The following ABI1 variants were observed in gnomAD, a reference collection of about 807,000 sequenced individuals.
ABI1 encodes the protein Abelson interactor 1.
ABI1 carries 14 observed loss-of-function variants against 54.6 expected under a neutral mutation model. The ratio of observed to expected loss-of-function variants is 0.26; its 90% confidence interval spans 0.17 to 0.40. The LOEUF is 0.40. ABI1 is among the 10% of genes least tolerant of loss of function. The pLI, the probability that ABI1 is intolerant of heterozygous loss-of-function variation, is 1.00. For synonymous variants in ABI1, 194 were observed against 209.3 expected (o/e 0.93, Z 0.63); for missense variants, 443 against 598.3 (o/e 0.74, Z 2.71).
chr10:26,783,795 A>G (rs1340046880), intron 2 of ABI1, among the ~76,000 whole-genome samples: 2 of 152,198 alleles, frequency 1.3e-5, no homozygotes, highest in African/African-American at 4.8e-5. Flanking sequence ...TTAAATAATA[A>G]TGACCACTTA....
intron 2 of ABI1, among the ~76,000 whole-genome samples, chr10:26,812,392 C>T (rs1265941273): frequency 6.6e-6 from 1 of 152,146 alleles, no homozygotes; most frequent in African/African-American, 2.4e-5. Context: ...CTAATGAATG[C>T]TCCTTAGCCA....
intron 1 of ABI1, among the ~76,000 whole-genome samples, chr10:26,832,116 C>T (rs1355162897): frequency 6.6e-6 from 1 of 152,152 alleles, no homozygotes; most frequent in Non-Finnish European, 1.5e-5. Flanking sequence ...CACATAAGCA[C>T]AAACAATGAC....
chr10:26,847,346 G>A (rs1264252432), intron 1 of ABI1, among the ~76,000 whole-genome samples: 1 of 152,180 alleles, frequency 6.6e-6, no homozygotes, highest in Non-Finnish European at 1.5e-5. Context: ...TGAGGACCAG[G>A]CATGGTGGCT....
chr10:26,838,459 C>G (rs1256866446), intron 1 of ABI1, among the ~76,000 whole-genome samples: 1 of 152,158 alleles, frequency 6.6e-6, no homozygotes, highest in Non-Finnish European at 1.5e-5. Flanking sequence ...TGAACAGTAT[C>G]TGTTTAAAGG....
intron 1 of ABI1, among the ~76,000 whole-genome samples, chr10:26,837,879 T>C (rs957677658): frequency 2.6e-5 from 4 of 151,122 alleles, no homozygotes; most frequent in African/African-American, 9.8e-5. Context: ...CCTCCCAAAG[T>C]GCTGAGATTA....
chr10:26,841,379 A>G (rs148351450), intron 1 of ABI1, among the ~76,000 whole-genome samples: 1 of 149,918 alleles, frequency 6.7e-6, no homozygotes, highest in East Asian at 2.0e-4. Context: ...ATTAACATAT[A>G]TATCAACCCA....
At chr10:26,789,413 T>C (rs929119459) in intron 2 of ABI1, among the ~76,000 whole-genome samples, 2 of 152,156 alleles carry the variant, frequency 1.3e-5, no homozygotes, top group South Asian at 2.1e-4. Flanking sequence ...TTGAATTACA[T>C]ATGTTTTATA....
chr10:26,848,472 T>C (rs1015226707), intron 1 of ABI1, among the ~76,000 whole-genome samples: 5 of 152,128 alleles, frequency 3.3e-5, no homozygotes, highest in African/African-American at 1.2e-4. Flanking sequence ...AATTTGAAGA[T>C]AACAGATTTA....
rs149287800 is a variant in ABI1 at position 26,856,216 on chromosome 10, C to T, written c.117+4531G>A. On this transcript the variant is annotated intron_variant, in intron 1 of 10. Transcript: ENST00000376140. The stretch of plus-strand genomic sequence containing the variant: ...CAGGAGAATTGCTTGGAGGTTGCAG[C>T]GAGCTGAGATCATGCCACTGCACTC... 7.8e-3 allele frequency among the ~76,000 whole-genome samples: 1,069 copies of T among 137,760 alleles called. 13 individuals carry two copies. The highest frequency in any genetic ancestry group is 0.028 in the African/African-American group (1,010 of 36,696). 90.4% of individuals were successfully genotyped at this position (137,760 alleles called of 152,430 possible).
intron 7 of ABI1, among the ~76,000 whole-genome samples, chr10:26,761,617 C>CATATATATATATATATAT (rs1164854399): frequency 1.0e-4 from 5 of 49,836 alleles, no homozygotes; most frequent in Admixed American, 2.5e-4. Flanking sequence ...TAGTTTTTGT[C>CATATATATATATATATAT]ATATATATAT....
At chr10:26,823,047 G>T in intron 2 of ABI1, 91 bp downstream of exon 2, 1 of 1,188,088 alleles carries the variant, frequency 8.4e-7, no homozygotes, top group Non-Finnish European at 1.2e-6. Context: ...AGTAAGATGA[G>T]TCAGAAATCC....
intron 1 of ABI1, among the ~76,000 whole-genome samples, chr10:26,826,714 C>T (rs2048326095): frequency 6.6e-6 from 1 of 152,196 alleles, no homozygotes; most frequent in Non-Finnish European, 1.5e-5. Context: ...GCAGCTTCTA[C>T]ATCAGCACTT....
At chr10:26,773,215 C>CTGTTTTTTTTTTTTTTT (rs1554811140) in intron 3 of ABI1, among the ~76,000 whole-genome samples, 1 of 92,528 alleles carries the variant, frequency 1.1e-5, no homozygotes, top group Non-Finnish European at 2.1e-5. Context: ...AATGCTAATT[C>CTGTTTTTTTTTTTTTTT]TTTTTTTTTT....
At chr10:26,770,549 T>C (rs1371282932) in intron 4 of ABI1, 4 of 727,488 alleles carry the variant, frequency 5.5e-6, no homozygotes, top group Admixed American at 1.7e-5. Context: ...TTATATCACA[T>C]TGTAGCCAAA....
At chr10:26,769,736 G>A (rs1293411828) in intron 5 of ABI1, among the ~76,000 whole-genome samples, 1 of 152,168 alleles carries the variant, frequency 6.6e-6, no homozygotes, top group Non-Finnish European at 1.5e-5. Flanking sequence ...CTACTCTAGT[G>A]TGAAGAGGCC....
At chr10:26,798,290 C>T (rs765779618) in intron 2 of ABI1, among the ~76,000 whole-genome samples, 50 of 150,182 alleles carry the variant, frequency 3.3e-4, no homozygotes, top group African/African-American at 1.2e-3. Flanking sequence ...AATCTTGAGA[C>T]GGGGTGCTAT....
At chr10:26,816,506 GT>G (rs1379821236) in intron 2 of ABI1, among the ~76,000 whole-genome samples, 1 of 152,182 alleles carries the variant, frequency 6.6e-6, no homozygotes, top group Non-Finnish European at 1.5e-5. Flanking sequence ...AGGATAAAAT[GT>G]TGAGAGGAGC....
At chr10:26,807,365 C>T (rs1238989425) in intron 2 of ABI1, among the ~76,000 whole-genome samples, 1 of 152,010 alleles carries the variant, frequency 6.6e-6, no homozygotes, top group African/African-American at 2.4e-5. Flanking sequence ...GTCCCAGCTA[C>T]TTGGGAGGCT....
intron 1 of ABI1, among the ~76,000 whole-genome samples, chr10:26,839,165 A>T (rs1265128143): frequency 6.6e-6 from 1 of 152,214 alleles, no homozygotes; most frequent in Non-Finnish European, 1.5e-5. Context: ...GTTATCCTTC[A>T]CTGAAGTGAC....
Sources: allele counts gnomAD v4.1 joint callset (sites outside exome capture counted in the v4.1 genomes callset), GRCh38; gene constraint gnomAD v4.1.1; transcripts MANE v1.5; gene names NCBI Gene and HGNC (gene_info 2026-07-23, HGNC 2026-07-21).